The following LDB1 variants were observed in gnomAD, a reference collection of about 807,000 sequenced individuals.
LDB1 encodes LIM domain binding 1, also known as LIM domain-binding protein 1.
In LDB1, 6 loss-of-function variants were observed where a neutral mutation model predicts 49.7. The ratio of observed to expected loss-of-function variants is 0.12; its 90% CI spans 0.07 to 0.24. The LOEUF is 0.24. LDB1 is among the 10% of genes least tolerant of loss of function. The pLI is 1.00. For synonymous variants in LDB1, 233 were observed against 202.0 expected (o/e 1.15, Z -1.30); for missense variants, 341 against 561.7 (o/e 0.61, Z 3.97).
Position 102,109,049 on chromosome 10 carries a change from C to T in LDB1, c.985G>A (p.Ala329Thr), listed in dbSNP as rs768693158. 2.4e-5 allele frequency: 39 copies of T among 1,614,068 alleles called. No individual in the cohort carries two copies. The African/African-American group carries it at 2.8e-4, about 12-fold the overall frequency. Residue 329 changes from alanine (A) to threonine (T), a missense_variant, in exon 10 of 11, where the codon GCC becomes ACC. Transcript: ENST00000673968. The surrounding 1 kb of genome is among the most constrained non-coding windows in gnomAD (Gnocchi z 5.8). ...CTTACAGGTACCTGGCTGGAGAGGGCGAAGGTGCTAGCTGGGCTCTTCTTC... is the reference window on the plus strand; with the variant it reads ...CTTACAGGTACCTGGCTGGAGAGGGTGAAGGTGCTAGCTGGGCTCTTCTTC... ...SKKKSPASTF[A>T]LSSQVPDVMV...
downstream of LDB1, among the ~76,000 whole-genome samples, chr10:102,104,302 G>A (rs983098595): frequency 6.6e-6 from 1 of 152,128 alleles, no homozygotes; most frequent in East Asian, 1.9e-4. Flanking sequence ...CAGACTATCC[G>A]AATGAATTAA....
At chr10:102,111,199 C>A (rs572467715) in intron 3 of LDB1, 55 bp from the exon 4 acceptor site, 5 of 1,611,688 alleles carry the variant, frequency 3.1e-6, no homozygotes, top group African/African-American at 1.3e-5. Context: ...CCCTCCACCC[C>A]CTACCTCGGC....
Position 102,110,568 on chromosome 10 carries a change from G to C in LDB1, c.486C>G (p.Gly162=). The change falls in exon 6 of 11, where the codon GGC becomes GGG. Residue 162 remains glycine (G), a synonymous_variant. Coordinates refer to ENST00000673968, the MANE Select transcript of LDB1 (RefSeq NM_001113407.3). ...GCTTGCCATGCTGGGTCACCATGCT[G>C]CCCTGGTCACAGTCGAGGGACACAA... ...SNFVSLDCDQ[G]SMVTQHGKPM... is the part of the protein sequence containing the mutation. The C allele has an allele frequency of 6.2e-7, 1 of 1,613,974 alleles. No individual in the cohort carries two copies. Among genetic ancestry groups the C allele is most frequent in the Non-Finnish European group, 8.5e-7 (1 of 1,179,936 alleles).
Position 102,109,873 on chromosome 10 carries a change from C to A in LDB1, c.648+48G>T, listed in dbSNP as rs2068224450. On this transcript the variant is annotated intron_variant, in intron 7 of 10. Transcript: ENST00000673968. The surrounding 1 kb of genome is among the most constrained non-coding windows in gnomAD (Gnocchi z 5.8). ...AAATGGCAGACCTTGTTCCACCCTT[C>A]CCCCGCCTGCCTTCACTCTTGCATC... The A allele has an allele frequency of 6.3e-7, 1 of 1,591,686 alleles. No individual in the cohort carries two copies. Among genetic ancestry groups the A allele is most frequent in the African/African-American group, 1.3e-5 (1 of 74,606 alleles).
chr10:102,102,568 G>A (rs144760323), downstream of LDB1, among the ~76,000 whole-genome samples: 7 of 152,272 alleles, frequency 4.6e-5, no homozygotes, highest in East Asian at 1.9e-4. Context: ...GGGAAAATGA[G>A]CCTCTCCTGA....
chr10:102,113,525 A>T (rs542699088), intron 1 of LDB1, among the ~76,000 whole-genome samples: 1 of 152,304 alleles, frequency 6.6e-6, no homozygotes, highest in South Asian at 2.1e-4. Flanking sequence ...ATCCACAGAC[A>T]GGCAGACTAA....
chr10:102,108,718 T>G (rs2068206275), intron 10 of LDB1, among the ~76,000 whole-genome samples: 1 of 152,226 alleles, frequency 6.6e-6, no homozygotes, highest in South Asian at 2.1e-4. Context: ...CCAGTCTGCA[T>G]GTCTATCAGT....
At position 102,120,161 on chromosome 10, in the gene LDB1, T is replaced by A; in HGVS notation, c.-51A>T. Reference sequence around the variant, plus strand: ...CCAGCCGAGTCACGGTGCCCGCCCCTCGCGGGGACAGGCCGGGCATGAGCC... The same window carrying A: ...CCAGCCGAGTCACGGTGCCCGCCCCACGCGGGGACAGGCCGGGCATGAGCC... On this transcript the variant is annotated 5_prime_UTR_variant, in exon 1 of 11. Transcript: ENST00000673968. The A allele has an allele frequency of 8.1e-7, 1 of 1,238,186 alleles. No homozygotes were observed. Among genetic ancestry groups the A allele is most frequent in the Non-Finnish European group, 1.0e-6 (1 of 982,640 alleles). The allele number at this position is 1,238,186 out of a possible 1,614,324, so 76.7% of individuals were successfully genotyped here. A position where few individuals can be genotyped will look rare whatever the true frequency, so the allele number is the denominator to read the frequency against.
chr10:102,114,865 G>A (rs1383315759), intron 1 of LDB1: 3 of 980,588 alleles, frequency 3.1e-6, no homozygotes, highest in South Asian at 4.8e-5. Context: ...CACCAGGAGA[G>A]GCAGGACCCG....
intron 1 of LDB1, among the ~76,000 whole-genome samples, chr10:102,115,931 A>AACAC (rs147482525): frequency 6.6e-6 from 1 of 150,520 alleles, no homozygotes; most frequent in East Asian, 1.9e-4. Context: ...CACACACACA[A>AACAC]ACACACACAC....
chr10:102,110,055 C>G lies in LDB1; in HGVS notation c.526-12G>C. ...CCCTCCACACACACCTGGGGACAGGCTTGTCAGAACCCTGCCCCCTCCCCA... is the reference window on the plus strand; with the variant it reads ...CCCTCCACACACACCTGGGGACAGGGTTGTCAGAACCCTGCCCCCTCCCCA... On this transcript the variant is annotated splice_polypyrimidine_tract_variant and intron_variant, in intron 6 of 10. Coordinates refer to ENST00000673968, the MANE Select transcript of LDB1 (RefSeq NM_001113407.3). 6.2e-7 allele frequency: 1 copy of G among 1,609,486 alleles called. No homozygotes were observed. Among genetic ancestry groups the G allele is most frequent in the Non-Finnish European group, 8.5e-7 (1 of 1,177,016 alleles).
rs975423257 is a variant in LDB1, at chr10:102,109,066, CTCT to C, written c.965_967del (p.Lys322del). On this transcript the variant is annotated inframe_deletion, in exon 10 of 11. Transcript: ENST00000673968. The surrounding 1 kb of genome is among the most constrained non-coding windows in gnomAD (Gnocchi z 5.8). ...GGAGAGGGCGAAGGTGCTAGCTGGG[CTCT>C]TCTTCTTGCTGTTGCTGTTGTTGGT... 5.0e-6 allele frequency: 8 copies of C among 1,614,126 alleles called. No homozygotes were observed. The highest frequency in any genetic ancestry group is 1.1e-5 in the South Asian group (1 of 91,094).
rs1198924266 is a variant in LDB1 at position 102,109,510 on chromosome 10, A to G, written c.733-3T>C. The G allele has an allele frequency of 6.2e-7, 1 of 1,614,086 alleles. No individual in the cohort carries two copies. Among genetic ancestry groups the G allele is most frequent in the African/African-American group, 1.3e-5 (1 of 75,010 alleles). On this transcript the variant is annotated splice_polypyrimidine_tract_variant and splice_region_variant and intron_variant, in intron 8 of 10. Coordinates refer to ENST00000673968, the MANE Select transcript of LDB1 (RefSeq NM_001113407.3). This position sits in a 1 kb window ranked among gnomAD's most constrained non-coding sequence, Gnocchi z 5.8. The stretch of plus-strand genomic sequence containing the variant: ...ATGGGCTCGAGTATCACACAGAGCT[A>G]GGGGTAGACAAGGAGGTGGCTTGTC...
rs1196200878 is a variant in LDB1 at position 102,107,999 on chromosome 10, T to C, written c.*94A>G. The C allele has an allele frequency of 4.0e-6, 4 of 1,009,698 alleles. No homozygotes were observed. The highest frequency in any genetic ancestry group is 4.8e-5 in the East Asian group (2 of 42,102). The allele number at this position is 1,009,698 out of a possible 1,614,324, so 62.5% of individuals were successfully genotyped here. A position where few individuals can be genotyped will look rare whatever the true frequency, so the allele number is the denominator to read the frequency against. ...GCGGGTGGATGGAGGCTGCCCATTT[T>C]AGATGCTCAGTCTCTTCATTCTGTC... On this transcript the variant is annotated 3_prime_UTR_variant, in exon 11 of 11. Transcript: ENST00000673968.
intron 1 of LDB1, chr10:102,115,025 G>A: frequency 5.1e-6 from 1 of 197,556 alleles, no homozygotes; most frequent in Non-Finnish European, 9.1e-6. Flanking sequence ...CGGGCGGAGG[G>A]TGGAGCTGCC....
At chr10:102,114,594 C>G in intron 1 of LDB1, 1 of 985,404 alleles carries the variant, frequency 1.0e-6, no homozygotes, top group Non-Finnish European at 1.2e-6. Context: ...TCGGCCCGCC[C>G]CGCGGCGGCC....
chr10:102,113,610 C>T (rs2068287234), intron 1 of LDB1, among the ~76,000 whole-genome samples: 1 of 152,164 alleles, frequency 6.6e-6, no homozygotes, highest in Non-Finnish European at 1.5e-5. Context: ...AGTAGATTCT[C>T]AGACCTGGCC....
In LDB1 at chr10:102,109,881, T is replaced by G. The variant is rs756409914; in HGVS notation, c.648+40A>C. 6.3e-6 allele frequency: 10 copies of G among 1,595,662 alleles called. No homozygotes were observed. The highest frequency in any genetic ancestry group is 5.1e-6 in the Non-Finnish European group (6 of 1,171,016). On this transcript the variant is annotated intron_variant, in intron 7 of 10. Coordinates refer to ENST00000673968, the MANE Select transcript of LDB1 (RefSeq NM_001113407.3). The surrounding 1 kb of genome is among the most constrained non-coding windows in gnomAD (Gnocchi z 5.8). The stretch of plus-strand genomic sequence containing the variant: ...GACCTTGTTCCACCCTTCCCCCGCC[T>G]GCCTTCACTCTTGCATCCTGGGTCC...
chr10:102,109,784 T>C lies in LDB1; in HGVS notation c.649-101A>G. On this transcript the variant is annotated intron_variant, in intron 7 of 10. Coordinates refer to ENST00000673968, the MANE Select transcript of LDB1 (RefSeq NM_001113407.3). The surrounding 1 kb of genome is among the most constrained non-coding windows in gnomAD (Gnocchi z 5.8). ...TTGTGACACTCCTGAGAGAGGATAG[T>C]CTCTTATTAAACCTGCTGTTCAGAT... 1 of 1,547,286 alleles carries C rather than the reference T, an allele frequency of 6.5e-7. No individual in the cohort carries two copies. The highest frequency in any genetic ancestry group is 1.4e-5 in the African/African-American group (1 of 73,594).
Sources: allele counts gnomAD v4.1 joint callset (sites outside exome capture counted in the v4.1 genomes callset), GRCh38; gene constraint gnomAD v4.1.1; non-coding constraint Gnocchi (gnomAD v3.1); transcripts MANE v1.5; gene names NCBI Gene and HGNC (gene_info 2026-07-23, HGNC 2026-07-21).